The following TM9SF2 variants were observed in gnomAD, a reference collection of about 807,000 sequenced individuals.
TM9SF2 encodes transmembrane 9 superfamily member 2, also known as 76 kDa membrane protein.
Under a neutral mutation model 84.9 loss-of-function variants are expected in TM9SF2, and 13 were observed. That is an observed-to-expected ratio of 0.15 (90% CI 0.10 to 0.24). TM9SF2 has a LOEUF of 0.24. Among genes scored for constraint, TM9SF2 ranks in the 10% least tolerant of loss-of-function variants. The pLI is 1.00. For missense variants in TM9SF2, 562 were observed against 818.5 expected, an observed-to-expected ratio of 0.69 and a Z score of 3.82; for synonymous variants, 273 against 285.8, an observed-to-expected ratio of 0.96 and a Z score of 0.45.
chr13:99,508,300 A>G (rs569283096), intron 1 of TM9SF2, among the ~76,000 whole-genome samples: 48 of 152,184 alleles, frequency 3.2e-4, no homozygotes, highest in African/African-American at 1.2e-3. Context: ...GTGATAATCT[A>G]GAGTCATCTG....
rs767936414 is a variant in TM9SF2, at chr13:99,554,341, G to A, written c.1526G>A (p.Arg509His). 1.2e-6 allele frequency: 2 copies of A among 1,613,786 alleles called. No individual in the cohort carries two copies. Among genetic ancestry groups the A allele is most frequent in the African/African-American group, 1.3e-5 (1 of 74,950 alleles). The change falls in exon 14 of 17, where the codon CGT becomes CAT. Residue 509 changes from arginine (R) to histidine (H), a missense_variant. Arg to His is a conservative substitution (Grantham distance 29). This residue lies in a region of TM9SF2 where 219 missense variants were observed against 338.1 expected (regional missense o/e 0.65). Coordinates refer to ENST00000376387, the MANE Select transcript of TM9SF2 (RefSeq NM_004800.3). ...CCAGTTCGAACCAATCAGATTCCAC[G>A]TCAGATTCCTGAACAGTCGTTCTAC... Reference protein sequence around the residue: ...EHPVRTNQIPRQIPEQSFYTK... With the variant: ...EHPVRTNQIPHQIPEQSFYTK...
At chr13:99,540,495 CT>C (rs201378003) in intron 7 of TM9SF2, 24,648 of 141,072 alleles carry the variant, frequency 0.17, 1,199 homozygotes, top group East Asian at 0.26. Flanking sequence ...ACTAGGAATT[CT>C]TTTTTTTTTT....
intron 1 of TM9SF2, among the ~76,000 whole-genome samples, chr13:99,508,610 C>T (rs1053574728): frequency 1.3e-5 from 2 of 152,038 alleles, no homozygotes; most frequent in East Asian, 3.9e-4. Context: ...GCAGGCTGTA[C>T]AAGCATGGCA....
intron 13 of TM9SF2, 148 bp from the exon 14 acceptor site, chr13:99,554,153 AGAC>A: frequency 1.1e-6 from 1 of 892,486 alleles, no homozygotes; most frequent in Non-Finnish European, 1.7e-6. Flanking sequence ...TGGCTTCCAA[AGAC>A]AAATTTCAGT....
At chr13:99,531,369 A>G (rs2046208422) in intron 4 of TM9SF2, among the ~76,000 whole-genome samples, 1 of 152,174 alleles carries the variant, frequency 6.6e-6, no homozygotes, top group African/African-American at 2.4e-5. Context: ...TTGTCCTGTC[A>G]GTATATTAGA....
In TM9SF2 at chr13:99,501,473, G is replaced by C. The variant is rs992956015; in HGVS notation, c.-134G>C. 2.5e-6 allele frequency: 3 copies of C among 1,186,038 alleles called. No individual in the cohort carries two copies. The highest frequency in any genetic ancestry group is 3.5e-6 in the Non-Finnish European group (3 of 856,882). 73.5% of individuals were successfully genotyped at this position (1,186,038 alleles called of 1,614,324 possible). A position where few individuals can be genotyped will look rare whatever the true frequency, so the allele number is the denominator to read the frequency against. On this transcript the variant is annotated 5_prime_UTR_variant, in exon 1 of 17. Transcript: ENST00000376387. ...GTTGCGGGACCCGGGGTGTCTCCTA[G>C]CGCAACCGGAACTAGCCTTCTGGGG...
chr13:99,523,525 G>A (rs904713175), intron 3 of TM9SF2, among the ~76,000 whole-genome samples: 4 of 152,166 alleles, frequency 2.6e-5, no homozygotes, highest in Admixed American at 6.5e-5. Context: ...CTGCTTTGTC[G>A]TCTTTTATAT....
At chr13:99,544,305 T>C (rs944408516) in intron 10 of TM9SF2, among the ~76,000 whole-genome samples, 20 of 148,846 alleles carry the variant, frequency 1.3e-4, no homozygotes, top group Non-Finnish European at 5.9e-5. Context: ...ATTGCGCCAC[T>C]GCACTCCAGC....
At chr13:99,541,384 C>A (rs531245226) in intron 8 of TM9SF2, among the ~76,000 whole-genome samples, 175 bp from the exon 9 acceptor site, 9 of 152,172 alleles carry the variant, frequency 5.9e-5, no homozygotes, top group Non-Finnish European at 1.0e-4. Flanking sequence ...TGTTATTTAT[C>A]TACTGGAGGG....
chr13:99,556,711 G>A (rs2046326211), intron 15 of TM9SF2, among the ~76,000 whole-genome samples: 1 of 151,988 alleles, frequency 6.6e-6, no homozygotes, highest in Non-Finnish European at 1.5e-5. Flanking sequence ...AGCCTCCTGA[G>A]TAGCTGGGAC....
chr13:99,525,999 G>C (rs932197051), intron 3 of TM9SF2, among the ~76,000 whole-genome samples: 16 of 152,214 alleles, frequency 1.1e-4, no homozygotes, highest in Admixed American at 9.8e-4. Flanking sequence ...CTAGTGTACT[G>C]TTGGAGAGGT....
chr13:99,529,119 C>T (rs535753327), intron 3 of TM9SF2, among the ~76,000 whole-genome samples: 30 of 152,208 alleles, frequency 2.0e-4, no homozygotes, highest in African/African-American at 7.2e-4. Context: ...CTCCAGAATT[C>T]CTAAGACATG....
chr13:99,536,290 G>GTT (rs200811881), intron 4 of TM9SF2, among the ~76,000 whole-genome samples: 20 of 146,332 alleles, frequency 1.4e-4, no homozygotes, highest in Admixed American at 4.1e-4. Context: ...AAGGTACGAA[G>GTT]TTTTTTTTGT....
intron 5 of TM9SF2, 107 bp downstream of exon 5, chr13:99,536,844 C>A: frequency 8.0e-7 from 1 of 1,256,618 alleles, no homozygotes; most frequent in Non-Finnish European, 1.1e-6. Context: ...GTGTACAGTT[C>A]AGATGTTCTG....
At position 99,503,935 on chromosome 13, in the gene TM9SF2, T is replaced by C. The variant is rs143233989; in HGVS notation, c.171+2158T>C. ...GGGATAAAACAGGCAGAGCAGATCA[T>C]TTTTCCGAAATGTTTGGATTTTTAT... On this transcript the variant is annotated intron_variant, in intron 1 of 16. Transcript: ENST00000376387. Among the ~76,000 whole-genome samples the C allele has an allele frequency of 1.1e-4, 17 of 152,274 alleles. No individual in the cohort carries two copies. The East Asian group carries it at 3.3e-3, about 29-fold the overall frequency.
At position 99,547,080 on chromosome 13, in the gene TM9SF2, T is replaced by C. The variant is rs1188549838; in HGVS notation, c.1246T>C (p.Tyr416His). ...GGTGCTGCTGGGCACCCCTGCAGGC[T>C]ATGTTGCTGCCAGATTCTATAAGTG... ...LWVLLGTPAG[Y>H]VAARFYKSFG... The change falls in exon 11 of 17, where the codon TAT becomes CAT. Residue 416 changes from tyrosine (Y) to histidine (H), a missense_variant. Physicochemically the swap from Tyr to His is moderately conservative, Grantham distance 83. Transcript: ENST00000376387. The C allele has an allele frequency of 6.2e-7, 1 of 1,614,186 alleles. No individual in the cohort carries two copies. Among genetic ancestry groups the C allele is most frequent in the Non-Finnish European group, 8.5e-7 (1 of 1,180,030 alleles).
chr13:99,523,425 A>G (rs2046168994), intron 3 of TM9SF2, among the ~76,000 whole-genome samples: 1 of 152,198 alleles, frequency 6.6e-6, no homozygotes, highest in Non-Finnish European at 1.5e-5. Context: ...TTCTGGGATT[A>G]TAGGTGTGAA....
chr13:99,540,301 T>C (rs1006500372), intron 7 of TM9SF2, among the ~76,000 whole-genome samples: 1 of 151,678 alleles, frequency 6.6e-6, no homozygotes, highest in African/African-American at 2.4e-5. Flanking sequence ...TATTTCTAGA[T>C]ATTAAGAGCT....
At chr13:99,509,848 GA>G (rs552448957) in intron 1 of TM9SF2, among the ~76,000 whole-genome samples, 1 of 152,080 alleles carries the variant, frequency 6.6e-6, no homozygotes, top group Non-Finnish European at 1.5e-5. Context: ...TTTCTCTCCA[GA>G]AAAAACTTTT....
Sources: gnomAD v4.1 joint callset for allele counts (sites outside exome capture counted in the v4.1 genomes callset) on GRCh38, gnomAD v4.1.1 for gene constraint, gnomAD v4.1.1 regional missense constraint, MANE v1.5 for transcripts, NCBI Gene and HGNC (gene_info 2026-07-23, HGNC 2026-07-21) for gene names.